SLCO2A1: variants seen among roughly 807,000 people sequenced by gnomAD.
SLCO2A1 encodes the protein matrin F/G 1.
In SLCO2A1, 60 loss-of-function variants were observed where a neutral mutation model predicts 71.7. The ratio of observed to expected loss-of-function variants is 0.84; its 90% CI spans 0.68 to 1.04. The LOEUF is 1.04. Among genes scored for constraint, SLCO2A1 ranks in the 50% least tolerant of loss-of-function variants. The probability of loss-of-function intolerance (pLI) is 0.00; values close to 1 mark genes in which losing one functional copy is unlikely to be tolerated. For synonymous variants in SLCO2A1, 308 were observed against 326.7 expected (o/e 0.94, Z 0.62); for missense variants, 745 against 813.4 (o/e 0.92, Z 1.02).
intron 1 of SLCO2A1, chr3:133,998,544 T>G (rs1455639853): frequency 1.3e-5 from 2 of 152,318 alleles, no homozygotes; most frequent in Non-Finnish European, 2.9e-5. Context: ...TCATGTCCCA[T>G]GAGCATCTTC....
In SLCO2A1 at chr3:133,933,243, C is replaced by T. The variant is rs1475873426; in HGVS notation, c.*1470G>A. On this transcript the variant is annotated 3_prime_UTR_variant, in exon 14 of 14. Coordinates refer to ENST00000310926, the MANE Select transcript of SLCO2A1 (RefSeq NM_005630.3). ...CCAGGTGCAGAGTCAGTCTGGGGGC[C>T]ATGGATGGCATGGATAGTCAGGTCA... is the stretch of plus-strand genomic sequence containing the variant. 1.3e-5 allele frequency: 2 copies of T among 152,154 alleles called. No individual in the cohort carries two copies. Among genetic ancestry groups the T allele is most frequent in the African/African-American group, 4.8e-5 (2 of 41,382 alleles). 9.4% of individuals were successfully genotyped at this position (152,154 alleles called of 1,614,324 possible).
chr3:134,020,677 C>CTTTGGT (rs1241091450), intron 1 of SLCO2A1, among the ~76,000 whole-genome samples: 8 of 151,776 alleles, frequency 5.3e-5, no homozygotes, highest in Non-Finnish European at 7.4e-5. Flanking sequence ...TTTATCGGCA[C>CTTTGGT]TTTGGTTTTG....
chr3:133,979,399 C>T (rs1934531567), intron 2 of SLCO2A1, 82 bp downstream of exon 2: 1 of 1,558,818 alleles, frequency 6.4e-7, no homozygotes, highest in Non-Finnish European at 8.8e-7. Context: ...ACATCTCAGC[C>T]CCCTGTTCCT....
intron 3 of SLCO2A1, among the ~76,000 whole-genome samples, chr3:133,967,406 C>T (rs1934207248): frequency 6.6e-6 from 1 of 152,214 alleles, no homozygotes; most frequent in Admixed American, 6.5e-5. Flanking sequence ...CCATGGAGCG[C>T]AGAGCTCTCC....
rs1263377038 is a variant in SLCO2A1 at position 133,947,436 on chromosome 3, T to A, written c.1115A>T (p.Asn372Ile). The change falls in exon 9 of 14, where the codon AAC (asparagine) becomes ATC (isoleucine). Residue 372 changes from asparagine to isoleucine, a missense_variant. Physicochemically the swap from Asn to Ile is moderately radical, Grantham distance 149 (BLOSUM62 -3). Coordinates refer to ENST00000310926, the MANE Select transcript of SLCO2A1 (RefSeq NM_005630.3). ...CATCCCCAAGGCTGCAGCAGGGAGG[T>A]TCACAGCACCTATAAGTGGAAAGAA... Reference protein sequence around the residue: ...AYANFLIGAVNLPAAALGMLF... With the variant: ...AYANFLIGAVILPAAALGMLF... The A allele has an allele frequency of 6.2e-7, 1 of 1,612,316 alleles. No individual in the cohort carries two copies. Among genetic ancestry groups the A allele is most frequent in the Non-Finnish European group, 8.5e-7 (1 of 1,179,318 alleles).
chr3:134,027,370 C>T (rs4270504), intron 1 of SLCO2A1, among the ~76,000 whole-genome samples: 121,194 of 152,176 alleles, frequency 0.8, 48,483 homozygotes, highest in East Asian at 0.99. Flanking sequence ...AGACATTGTA[C>T]AGAAAAGCAC....
chr3:133,994,939 T>C (rs1184120499), intron 1 of SLCO2A1, among the ~76,000 whole-genome samples: 1 of 152,204 alleles, frequency 6.6e-6, no homozygotes, highest in Non-Finnish European at 1.5e-5. Context: ...ACCCGTTTCC[T>C]ACTCTTTTCT....
intron 2 of SLCO2A1, among the ~76,000 whole-genome samples, chr3:133,976,945 C>T (rs1321094071): frequency 6.6e-6 from 1 of 152,176 alleles, no homozygotes; most frequent in Admixed American, 6.5e-5. Flanking sequence ...AAAGGCTTCA[C>T]CTCACCTACT....
chr3:133,971,520 C>A (rs1027707313), intron 3 of SLCO2A1, among the ~76,000 whole-genome samples: 1 of 152,196 alleles, frequency 6.6e-6, no homozygotes, highest in African/African-American at 2.4e-5. Flanking sequence ...CCCATTCTTG[C>A]CCTATTCTTT....
intron 1 of SLCO2A1, among the ~76,000 whole-genome samples, chr3:133,988,515 C>T (rs1576448757): frequency 1.3e-5 from 2 of 152,196 alleles, no homozygotes; most frequent in East Asian, 3.8e-4. Flanking sequence ...CCAGCTGCAC[C>T]CCGACCACCA....
At chr3:133,962,281 T>C (rs1389765403) in intron 3 of SLCO2A1, among the ~76,000 whole-genome samples, 1 of 152,098 alleles carries the variant, frequency 6.6e-6, no homozygotes, top group Admixed American at 6.5e-5. Flanking sequence ...TGTTTCACCA[T>C]GTTGGCCAGG....
At position 133,948,540 on chromosome 3, in the gene SLCO2A1, G is replaced by T; in HGVS notation, c.1101C>A (p.Leu367=). The change falls in exon 8 of 14, where the codon CTC becomes CTA. Residue 367 remains leucine, a synonymous_variant. Transcript: ENST00000310926. Reference sequence around the variant, plus strand: ...TGCAGCACCCTCTGGGCTCACCAATGAGGAAGTTGGCATAGGCTGCTGAGG... The same window carrying T: ...TGCAGCACCCTCTGGGCTCACCAATTAGGAAGTTGGCATAGGCTGCTGAGG... ...YGTSAAYANF[L]IGAVNLPAAA... The T allele has an allele frequency of 6.2e-7, 1 of 1,613,478 alleles. No individual in the cohort carries two copies. The highest frequency in any genetic ancestry group is 1.1e-5 in the South Asian group (1 of 90,926).
At chr3:134,027,879 G>A (rs1444028788) in intron 1 of SLCO2A1, among the ~76,000 whole-genome samples, 2 of 152,164 alleles carry the variant, frequency 1.3e-5, no homozygotes, top group South Asian at 2.1e-4. Flanking sequence ...GAGTTAAATG[G>A]AAGTCCTCCA....
chr3:133,958,204 G>A (rs958650713), intron 3 of SLCO2A1, among the ~76,000 whole-genome samples: 1 of 152,198 alleles, frequency 6.6e-6, no homozygotes, highest in African/African-American at 2.4e-5. Flanking sequence ...GAGTGGGCAA[G>A]GCTAACAGAT....
At chr3:133,965,267 T>G (rs1934136822) in intron 3 of SLCO2A1, among the ~76,000 whole-genome samples, 1 of 152,170 alleles carries the variant, frequency 6.6e-6, no homozygotes, top group African/African-American at 2.4e-5. Flanking sequence ...AGAAGCCTTT[T>G]GACAAAGCCT....
chr3:133,955,044 C>T lies in SLCO2A1; in HGVS notation c.547G>A (p.Gly183Arg), dbSNP rs774038272. 2.0e-5 allele frequency: 33 copies of T among 1,614,044 alleles called. No homozygotes were observed. The highest frequency in any genetic ancestry group is 6.6e-5 in the South Asian group (6 of 91,078). ...MVVAQLLAGI[G>R]TVPIQPFGIS... ...CCAAATGGCTGAATAGGCACTGTCC[C>T]GATGCCAGCCAGCAGCTGGGCAACC... is the stretch of plus-strand genomic sequence containing the variant. Residue 183 changes from glycine (G) to arginine (R), a missense_variant, in exon 4 of 14, where the codon GGG (glycine) becomes AGG (arginine). Gly to Arg is a moderately radical substitution (Grantham distance 125). Coordinates refer to ENST00000310926, the MANE Select transcript of SLCO2A1 (RefSeq NM_005630.3).
intron 6 of SLCO2A1, chr3:133,949,187 C>A: frequency 1.7e-6 from 1 of 581,338 alleles, no homozygotes. Flanking sequence ...AATCAGAACA[C>A]ATCTATGCCA....
At chr3:133,970,608 C>G (rs1423155883) in intron 3 of SLCO2A1, among the ~76,000 whole-genome samples, 1 of 152,246 alleles carries the variant, frequency 6.6e-6, no homozygotes, top group Non-Finnish European at 1.5e-5. Flanking sequence ...CCAGCTAGAT[C>G]GCATGGATGA....
chr3:133,976,661 G>A (rs1302539078), intron 2 of SLCO2A1, among the ~76,000 whole-genome samples: 1 of 151,898 alleles, frequency 6.6e-6, no homozygotes, highest in East Asian at 1.9e-4. Flanking sequence ...CTCAGCCCTG[G>A]AGCAGCCCCT....
Sources: allele counts gnomAD v4.1 joint callset (sites outside exome capture counted in the v4.1 genomes callset), GRCh38; gene constraint gnomAD v4.1.1; transcripts MANE v1.5; gene names NCBI Gene and HGNC (gene_info 2026-07-23, HGNC 2026-07-21).